CCDC178: variants seen among roughly 807,000 people sequenced by gnomAD.
CCDC178 encodes coiled-coil domain containing 178.
In CCDC178, 126 loss-of-function variants were observed where a neutral mutation model predicts 117.4. The observed-to-expected ratio is 1.07, with a 90% CI of 0.93 to 1.24. CCDC178 has a LOEUF of 1.24. Among genes scored for constraint, CCDC178 ranks in the 50% most tolerant of loss-of-function variants. CCDC178 has a pLI of 0.00. For synonymous variants in CCDC178, 283 were observed against 313.4 expected (o/e 0.90, Z 1.02); for missense variants, 1,030 against 986.9 (o/e 1.04, Z -0.59).
At chr18:32,938,701 G>T (rs1490602041) in intron 22 of CCDC178, among the ~76,000 whole-genome samples, 1 of 152,082 alleles carries the variant, frequency 6.6e-6, no homozygotes, top group Non-Finnish European at 1.5e-5. Context: ...ACTACATGCT[G>T]CAGTAATGTA....
At chr18:32,984,957 A>G (rs1361256202) in intron 21 of CCDC178, among the ~76,000 whole-genome samples, 1 of 151,928 alleles carries the variant, frequency 6.6e-6, no homozygotes, top group Non-Finnish European at 1.5e-5. Flanking sequence ...TTCATTTATG[A>G]GCTGTGGTTG....
At chr18:33,117,582 AG>A (rs1230981062) in intron 20 of CCDC178, among the ~76,000 whole-genome samples, 8 of 151,654 alleles carry the variant, frequency 5.3e-5, no homozygotes, top group Non-Finnish European at 1.0e-4. Context: ...GGGTGGGGGG[AG>A]CGGGGAGAGG....
At chr18:33,183,082 G>A (rs2058749122) in intron 20 of CCDC178, among the ~76,000 whole-genome samples, 1 of 151,710 alleles carries the variant, frequency 6.6e-6, no homozygotes, top group South Asian at 2.1e-4. Flanking sequence ...TTTAAATTAG[G>A]ATTAGGTTAT....
At chr18:33,429,165 A>G (rs577025509) in intron 2 of CCDC178, among the ~76,000 whole-genome samples, 14 of 152,188 alleles carry the variant, frequency 9.2e-5, no homozygotes, top group Admixed American at 3.9e-4. Context: ...AGGAAAAGAT[A>G]CTGCAAATGT....
At chr18:33,401,305 C>A (rs181538370) in intron 3 of CCDC178, among the ~76,000 whole-genome samples, 1 of 152,094 alleles carries the variant, frequency 6.6e-6, no homozygotes, top group Non-Finnish European at 1.5e-5. Flanking sequence ...AGAGTTGCCA[C>A]AAACCTCAAA....
At chr18:33,388,416 T>C (rs1481578964) in intron 5 of CCDC178, among the ~76,000 whole-genome samples, 3 of 152,004 alleles carry the variant, frequency 2.0e-5, no homozygotes, top group South Asian at 2.1e-4. Flanking sequence ...GCATGTGTTA[T>C]GTTCAGTGCA....
chr18:33,069,942 T>A (rs138155862), intron 21 of CCDC178, among the ~76,000 whole-genome samples: 157 of 152,088 alleles, frequency 1.0e-3, no homozygotes, highest in African/African-American at 3.5e-3. Context: ...CATTACTAAT[T>A]ATTAGAGAAG....
intron 21 of CCDC178, among the ~76,000 whole-genome samples, chr18:32,985,127 T>C (rs1030019084): frequency 4.6e-5 from 7 of 152,086 alleles, no homozygotes; most frequent in Middle Eastern, 3.4e-3. Flanking sequence ...ATAGAGCTCA[T>C]TGGTTTATTT....
chr18:33,419,497 A>G (rs905998214), intron 2 of CCDC178, among the ~76,000 whole-genome samples: 2 of 152,158 alleles, frequency 1.3e-5, no homozygotes, highest in African/African-American at 4.8e-5. Flanking sequence ...TAAACAGACA[A>G]CCCACAGAAT....
chr18:33,318,390 G>A (rs915098393), intron 11 of CCDC178, among the ~76,000 whole-genome samples: 10 of 152,172 alleles, frequency 6.6e-5, no homozygotes, highest in African/African-American at 9.7e-5. Context: ...TGCATTTCTC[G>A]TAGTTGGTGG....
At chr18:33,423,948 GTTTCTT>G (rs2144943225) in intron 2 of CCDC178, among the ~76,000 whole-genome samples, 1 of 152,058 alleles carries the variant, frequency 6.6e-6, no homozygotes, top group South Asian at 2.1e-4. Context: ...TCAACATATT[GTTTCTT>G]TTTATCAATG....
Position 33,027,842 on chromosome 18 carries a change from C to A in CCDC178, c.2389-53161G>T, listed in dbSNP as rs574562881. Among the ~76,000 whole-genome samples, 6 of 151,472 alleles carry A rather than the reference C, an allele frequency of 4.0e-5. No homozygotes were observed. The South Asian group carries it at 6.2e-4, about 16-fold the overall frequency. On this transcript the variant is annotated intron_variant, in intron 21 of 22. Coordinates refer to ENST00000383096, the MANE Select transcript of CCDC178 (RefSeq NM_001105528.4). ...CAAATTAGTATCACAAAGATAACTA[C>A]GAAAACAACCTCCAAATATTTTGAT...
chr18:33,185,501 T>C (rs1286327093), intron 20 of CCDC178, among the ~76,000 whole-genome samples: 3 of 152,078 alleles, frequency 2.0e-5, no homozygotes, highest in Admixed American at 6.6e-5. Flanking sequence ...ATCTGGTTTA[T>C]ATTAGCTACA....
chr18:32,959,224 C>T (rs921861177), intron 22 of CCDC178, among the ~76,000 whole-genome samples: 2 of 152,108 alleles, frequency 1.3e-5, no homozygotes, highest in East Asian at 1.9e-4. Context: ...GAAGAGTTTT[C>T]AAGTCAAGGT....
At chr18:33,031,104 C>A in intron 21 of CCDC178, among the ~76,000 whole-genome samples, 1 of 152,106 alleles carries the variant, frequency 6.6e-6, no homozygotes, top group East Asian at 1.9e-4. Flanking sequence ...ACTATCACAT[C>A]ATCCATTTGT....
chr18:33,073,690 C>G (rs911672291), intron 21 of CCDC178, among the ~76,000 whole-genome samples: 1 of 151,900 alleles, frequency 6.6e-6, no homozygotes, highest in South Asian at 2.1e-4. Flanking sequence ...AAAATATTTG[C>G]CGGGCACTTC....
chr18:33,095,520 T>C (rs1473818312), intron 20 of CCDC178, among the ~76,000 whole-genome samples: 1 of 152,032 alleles, frequency 6.6e-6, no homozygotes, highest in African/African-American at 2.4e-5. Flanking sequence ...CCATGAGGGA[T>C]GAGACCATCA....
At chr18:33,319,771 G>A (rs1248417228) in intron 11 of CCDC178, among the ~76,000 whole-genome samples, 4 of 152,152 alleles carry the variant, frequency 2.6e-5, no homozygotes, top group Non-Finnish European at 5.9e-5. Context: ...GTTTTGATTT[G>A]CATTTCTCTG....
intron 5 of CCDC178, among the ~76,000 whole-genome samples, chr18:33,379,150 AATATATATATTTCCATATATAT>A (rs2063404149): frequency 4.4e-5 from 5 of 114,608 alleles, no homozygotes; most frequent in Non-Finnish European, 7.5e-5. Context: ...ATATATATAT[AATATATATATTTCCATATATAT>A]AATATATATA....
Sources: allele counts gnomAD v4.1 joint callset (sites outside exome capture counted in the v4.1 genomes callset), GRCh38; gene constraint gnomAD v4.1.1; transcripts MANE v1.5; gene names NCBI Gene and HGNC (gene_info 2026-07-23, HGNC 2026-07-21).